Variants in DSE observed in about 807,000 individuals in gnomAD.
The protein encoded by DSE is dermatan-sulfate epimerase.
DSE carries 36 observed loss-of-function variants against 84.4 expected under a neutral mutation model. The ratio of observed to expected loss-of-function variants is 0.43; its 90% confidence interval spans 0.33 to 0.56. The LOEUF is 0.56. Ranked by LOEUF, DSE falls within the 20% of genes least tolerant of loss-of-function variation. DSE has a pLI of 0.06. For synonymous variants in DSE, 410 were observed against 430.1 expected (o/e 0.95, Z 0.58); for missense variants, 862 against 1,169.6 (o/e 0.74, Z 3.84).
chr6:116,420,017 A>G (rs576218464), intron 2 of DSE, among the ~76,000 whole-genome samples: 33 of 152,346 alleles, frequency 2.2e-4, no homozygotes, highest in African/African-American at 7.2e-4. Flanking sequence ...ATAGCTACAT[A>G]TGGAAAAGCC....
At chr6:116,268,309 G>C (rs953758468) in intron 2 of DSE, among the ~76,000 whole-genome samples, 10 of 152,142 alleles carry the variant, frequency 6.6e-5, no homozygotes, top group African/African-American at 2.4e-4. Flanking sequence ...ACAGTAATAT[G>C]CTGCACAGGC....
chr6:116,303,131 C>T (rs9400900), intron 2 of DSE, among the ~76,000 whole-genome samples: 36,629 of 152,040 alleles, frequency 0.24, 5,547 homozygotes, highest in East Asian at 0.64. Flanking sequence ...AGTACAAGTT[C>T]CTTCCTGCCT....
chr6:116,408,518 T>C (rs896242262), intron 2 of DSE, among the ~76,000 whole-genome samples: 1 of 152,196 alleles, frequency 6.6e-6, no homozygotes, highest in Non-Finnish European at 1.5e-5. Context: ...AGAGCAGAAG[T>C]CCTGGATCTG....
intron 2 of DSE, among the ~76,000 whole-genome samples, chr6:116,284,837 A>G (rs1773781995): frequency 6.6e-6 from 1 of 152,058 alleles, no homozygotes; most frequent in African/African-American, 2.4e-5. Flanking sequence ...TGTCACTACA[A>G]AGGACATGAC....
At chr6:116,426,435 G>T in intron 2 of DSE, 139 bp from the exon 3 acceptor site, 1 of 1,062,734 alleles carries the variant, frequency 9.4e-7, no homozygotes, top group Non-Finnish European at 1.3e-6. Context: ...TAATGTGGAG[G>T]GAAGTCAGTT....
intron 2 of DSE, among the ~76,000 whole-genome samples, chr6:116,348,078 A>G (rs1778095106): frequency 6.6e-6 from 1 of 152,212 alleles, no homozygotes; most frequent in Non-Finnish European, 1.5e-5. Flanking sequence ...GAGAAATGCA[A>G]ATCAAAACCA....
At chr6:116,320,488 GAAC>G (rs1776237985) in intron 2 of DSE, among the ~76,000 whole-genome samples, 1 of 151,864 alleles carries the variant, frequency 6.6e-6, no homozygotes, top group African/African-American at 2.4e-5. Flanking sequence ...ACAAAGGAGA[GAAC>G]AGTGCAGGTT....
chr6:116,422,191 A>G (rs191267865), intron 2 of DSE, among the ~76,000 whole-genome samples: 4 of 152,358 alleles, frequency 2.6e-5, no homozygotes, highest in African/African-American at 4.8e-5. Context: ...GAATGTTGAC[A>G]CATTTAATTA....
chr6:116,284,862 T>C (rs545444832), intron 2 of DSE, among the ~76,000 whole-genome samples: 1 of 152,152 alleles, frequency 6.6e-6, no homozygotes, highest in Non-Finnish European at 1.5e-5. Context: ...TCCTTTTTTA[T>C]GGCTGCACAG....
At chr6:116,367,254 C>T (rs1779216683), upstream of DSE, 1 of 152,106 alleles carries the variant, frequency 6.6e-6, no homozygotes, top group South Asian at 2.1e-4. Context: ...CTTGAGCAAA[C>T]CAAAATGATC....
intron 2 of DSE, among the ~76,000 whole-genome samples, chr6:116,402,656 C>T (rs1019366402): frequency 6.6e-6 from 1 of 152,076 alleles, no homozygotes; most frequent in Non-Finnish European, 1.5e-5. Context: ...AAATAGTATC[C>T]ATTTAGGATT....
At chr6:116,324,456 C>T (rs924549257) in intron 2 of DSE, among the ~76,000 whole-genome samples, 2 of 152,200 alleles carry the variant, frequency 1.3e-5, no homozygotes, top group Non-Finnish European at 2.9e-5. Flanking sequence ...GAAATCCCAA[C>T]TCCACCCCCT....
intron 2 of DSE, among the ~76,000 whole-genome samples, chr6:116,410,733 C>CAAA (rs765969508): frequency 0.016 from 1,296 of 79,518 alleles, 72 homozygotes; most frequent in Non-Finnish European, 0.02. Flanking sequence ...GACTCTGTCT[C>CAAA]AAAAAAAAAA....
In DSE at chr6:116,438,617, G is replaced by T. The variant is rs1270372406; in HGVS notation, c.*1272G>T. The T allele has an allele frequency of 6.6e-6, 1 of 152,036 alleles. No individual in the cohort carries two copies. The highest frequency in any genetic ancestry group is 2.4e-5 in the African/African-American group (1 of 41,408). The allele number at this position is 152,036 out of a possible 1,614,324, so 9.4% of individuals were successfully genotyped here. A position where few individuals can be genotyped will look rare whatever the true frequency, so the allele number is the denominator to read the frequency against. On this transcript the variant is annotated 3_prime_UTR_variant, in exon 6 of 6. Transcript: ENST00000644252. Reference sequence around the variant, plus strand: ...GCATAAGAAAATGATATACTTAAAAGGAACTTAATAAATTATCATACATTC... The same window carrying T: ...GCATAAGAAAATGATATACTTAAAATGAACTTAATAAATTATCATACATTC...
chr6:116,261,301 C>T (rs748632062), intron 2 of DSE, among the ~76,000 whole-genome samples: 3 of 152,048 alleles, frequency 2.0e-5, no homozygotes, highest in African/African-American at 7.3e-5. Flanking sequence ...GATATCAGTT[C>T]ACCGCAAGCT....
intron 2 of DSE, among the ~76,000 whole-genome samples, chr6:116,349,380 G>A (rs999525126): frequency 6.6e-6 from 1 of 152,160 alleles, no homozygotes; most frequent in Non-Finnish European, 1.5e-5. Flanking sequence ...CTCACTCAGA[G>A]TTCAGGTGCT....
chr6:116,279,941 C>T lies in DSE; in HGVS notation c.-54+20974C>T, dbSNP rs1322491992. On this transcript the variant is annotated intron_variant, in intron 2 of 3. Transcript: ENST00000430252. ...CCCTACAGTCTCACTAACATTTCAG[C>T]GGCGGTGTCGTCAGGACTGGAGATC... The T allele has an allele frequency of 7.3e-6, 11 of 1,505,546 alleles. No individual in the cohort carries two copies. The African/African-American group carries it at 1.4e-4, about 19-fold the overall frequency. The allele number at this position is 1,505,546 out of a possible 1,614,324, so 93.3% of individuals were successfully genotyped here.
chr6:116,385,293 A>G (rs763518172), intron 1 of DSE, among the ~76,000 whole-genome samples: 2 of 152,170 alleles, frequency 1.3e-5, no homozygotes, highest in Non-Finnish European at 2.9e-5. Flanking sequence ...TTTTAAATAG[A>G]GTGGTGACAT....
At chr6:116,309,652 G>A (rs185034122) in intron 2 of DSE, among the ~76,000 whole-genome samples, 257 of 152,302 alleles carry the variant, frequency 1.7e-3, no homozygotes, top group African/African-American at 5.8e-3. Context: ...TGAAGGCTGG[G>A]AAGTCCAAGA....
Sources: gnomAD v4.1 joint callset for allele counts (sites outside exome capture counted in the v4.1 genomes callset) on GRCh38, gnomAD v4.1.1 for gene constraint, MANE v1.5 for transcripts, NCBI Gene and HGNC (gene_info 2026-07-23, HGNC 2026-07-21) for gene names.